Variants in KCNN2 observed in about 807,000 individuals in gnomAD.
KCNN2 encodes the protein small conductance calcium-activated potassium channel protein 2.
In KCNN2, 24 loss-of-function variants were observed where a neutral mutation model predicts 55.5. The ratio of observed to expected loss-of-function variants is 0.43; its 90% CI spans 0.31 to 0.61. The LOEUF (loss-of-function observed/expected upper bound fraction) is 0.61. Among genes scored for constraint, KCNN2 ranks in the 20% least tolerant of loss-of-function variants. KCNN2 has a pLI of 0.08. For synonymous variants in KCNN2, 431 were observed against 336.1 expected (o/e 1.28, Z -3.09); for missense variants, 754 against 853.6 (o/e 0.88, Z 1.45).
In KCNN2 at chr5:114,428,208, A is replaced by G. The variant is rs189774725; in HGVS notation, c.1637+23352A>G. ...TTTTACAAAGTAATTTTGTTAGACC[A>G]TAATTTTTCATTTCACTCTCTGTTT... On this transcript the variant is annotated intron_variant, in intron 3 of 7. Transcript: ENST00000673685. Among the ~76,000 whole-genome samples, 855 of 152,320 alleles carry G rather than the reference A, an allele frequency of 5.6e-3. 8 individuals carry two copies. The highest frequency in any genetic ancestry group is 0.02 in the African/African-American group (823 of 41,578).
intron 1 of KCNN2, among the ~76,000 whole-genome samples, chr5:114,084,147 G>A (rs778034704): frequency 4.6e-5 from 7 of 152,176 alleles, no homozygotes; most frequent in Admixed American, 2.0e-4. Context: ...ACATTCATGT[G>A]AAGATTTTTG....
Position 114,202,213 on chromosome 5 carries a change from T to G in KCNN2, c.-270-19267T>G, listed in dbSNP as rs1753686437. ...CCTGTGGGATTCTGTGTGGGTTCCCTTTCTGGAGCAACATCTCTGTGCAAT... is the reference window on the plus strand; with the variant it reads ...CCTGTGGGATTCTGTGTGGGTTCCCGTTCTGGAGCAACATCTCTGTGCAAT... On this transcript the variant is annotated intron_variant, in intron 1 of 10. Transcript: ENST00000512097. Among the ~76,000 whole-genome samples the G allele has an allele frequency of 2.6e-5, 4 of 152,174 alleles. 1 individual carries two copies. The South Asian group carries it at 8.3e-4, about 32-fold the overall frequency.
At chr5:114,353,249 G>A (rs1379357732) in intron 2 of KCNN2, among the ~76,000 whole-genome samples, 1 of 151,526 alleles carries the variant, frequency 6.6e-6, no homozygotes, top group East Asian at 1.9e-4. Flanking sequence ...ACAGACAGTA[G>A]ATATGTATTT....
chr5:114,408,941 G>A (rs1759032221), intron 3 of KCNN2, among the ~76,000 whole-genome samples: 1 of 152,126 alleles, frequency 6.6e-6, no homozygotes, highest in Non-Finnish European at 1.5e-5. Flanking sequence ...GGCAATAAAA[G>A]GTGAAAACTG....
chr5:114,100,134 T>C (rs534081885), intron 1 of KCNN2, among the ~76,000 whole-genome samples: 310 of 152,184 alleles, frequency 2.0e-3, no homozygotes, highest in Middle Eastern at 3.4e-3. Context: ...AATTTTAATG[T>C]AGATTTTATT....
At chr5:114,183,848 A>T (rs1464455022) in intron 1 of KCNN2, among the ~76,000 whole-genome samples, 3 of 145,466 alleles carry the variant, frequency 2.1e-5, no homozygotes, top group African/African-American at 7.6e-5. Flanking sequence ...CTGTTTTATT[A>T]TTTTTTTCTG....
intron 1 of KCNN2, among the ~76,000 whole-genome samples, chr5:114,085,677 T>C (rs938012511): frequency 1.2e-4 from 18 of 152,112 alleles, no homozygotes; most frequent in Non-Finnish European, 8.8e-5. Context: ...TCTAAGTTGG[T>C]AAATGTTTCG....
At chr5:114,286,747 G>C (rs1436567648) in intron 2 of KCNN2, among the ~76,000 whole-genome samples, 1 of 152,164 alleles carries the variant, frequency 6.6e-6, no homozygotes, top group African/African-American at 2.4e-5. Flanking sequence ...CTAGTACAGA[G>C]AGAAAAATGA....
chr5:114,211,673 A>G (rs190647602), intron 1 of KCNN2, among the ~76,000 whole-genome samples: 16 of 152,212 alleles, frequency 1.1e-4, no homozygotes, highest in Middle Eastern at 3.4e-3. Context: ...GTTTACCTAT[A>G]TAACAAACCT....
At chr5:114,070,495 C>T (rs1008946301) in intron 1 of KCNN2, among the ~76,000 whole-genome samples, 3 of 152,164 alleles carry the variant, frequency 2.0e-5, no homozygotes, top group East Asian at 1.9e-4. Flanking sequence ...AAAAGCTTCC[C>T]GGGCTGTCTC....
chr5:114,121,759 C>T (rs1751834334), intron 1 of KCNN2, among the ~76,000 whole-genome samples: 1 of 152,200 alleles, frequency 6.6e-6, no homozygotes, highest in Admixed American at 6.5e-5. Context: ...ACATCATACT[C>T]TCCCAACTTG....
At chr5:114,365,200 A>G (rs1464981057) in intron 2 of KCNN2, among the ~76,000 whole-genome samples, 1 of 152,198 alleles carries the variant, frequency 6.6e-6, no homozygotes, top group Non-Finnish European at 1.5e-5. Flanking sequence ...TACTTGTAAA[A>G]CTTTGAAAAA....
intron 2 of KCNN2, among the ~76,000 whole-genome samples, chr5:114,259,158 T>C (rs987992343): frequency 1.3e-5 from 2 of 152,138 alleles, no homozygotes; most frequent in Admixed American, 6.5e-5. Context: ...TCAGAGCCCA[T>C]AGGCAGGGAG....
chr5:114,221,346 T>C (rs1754134080), intron 1 of KCNN2, among the ~76,000 whole-genome samples: 1 of 152,116 alleles, frequency 6.6e-6, no homozygotes, highest in Admixed American at 6.5e-5. Context: ...CAATATATGC[T>C]AGGAGGTAAT....
At chr5:114,123,221 A>G (rs78639832) in intron 1 of KCNN2, among the ~76,000 whole-genome samples, 7,451 of 152,052 alleles carry the variant, frequency 0.049, 203 homozygotes, top group Non-Finnish European at 0.06. Context: ...CTTTACTCAC[A>G]TTTGCTGCTG....
chr5:114,294,783 G>A (rs1423469878), intron 2 of KCNN2, among the ~76,000 whole-genome samples: 2 of 152,148 alleles, frequency 1.3e-5, no homozygotes, highest in South Asian at 4.1e-4. Flanking sequence ...GTCTAATGTT[G>A]ACAGTGGGGT....
At chr5:114,212,534 C>T (rs994793748) in intron 1 of KCNN2, among the ~76,000 whole-genome samples, 3 of 151,884 alleles carry the variant, frequency 2.0e-5, no homozygotes, top group African/African-American at 7.2e-5. Flanking sequence ...AATTATATAT[C>T]AATAAAGCTG....
At chr5:114,449,879 T>C (rs1013354839) in intron 3 of KCNN2, among the ~76,000 whole-genome samples, 90 of 93,452 alleles carry the variant, frequency 9.6e-4, no homozygotes, top group African/African-American at 2.3e-3. Flanking sequence ...CATCCAAACA[T>C]ACACACACAC....
intron 3 of KCNN2, among the ~76,000 whole-genome samples, chr5:114,461,306 C>G (rs925831831): frequency 2.3e-4 from 35 of 152,284 alleles, no homozygotes; most frequent in African/African-American, 8.2e-4. Flanking sequence ...GCCTCTACAC[C>G]AAGACCTTCT....
Sources: gnomAD v4.1 joint callset for allele counts (sites outside exome capture counted in the v4.1 genomes callset) on GRCh38, gnomAD v4.1.1 for gene constraint, MANE v1.5 for transcripts, NCBI Gene and HGNC (gene_info 2026-07-23, HGNC 2026-07-21) for gene names.